The following THRB variants were observed in gnomAD, a reference collection of about 807,000 sequenced individuals.
THRB encodes nuclear receptor subfamily 1 group A member 2.
Under a neutral mutation model 47.8 loss-of-function variants are expected in THRB, and 12 were observed. The ratio of observed to expected loss-of-function variants is 0.25; its 90% CI spans 0.16 to 0.41. The LOEUF is 0.41. Among genes scored for constraint, THRB ranks in the 10% least tolerant of loss-of-function variants. The pLI, the probability that THRB is intolerant of heterozygous loss-of-function variation, is 1.00. For missense variants in THRB, 348 were observed against 589.2 expected (o/e 0.59, Z 4.24); for synonymous variants, 218 against 212.2 (o/e 1.03, Z -0.24).
At chr3:24,324,416 A>C (rs1271613956) in intron 2 of THRB, among the ~76,000 whole-genome samples, 1 of 152,136 alleles carries the variant, frequency 6.6e-6, no homozygotes, top group Non-Finnish European at 1.5e-5. Flanking sequence ...TTTTACTTCC[A>C]AGCACACTGA....
At chr3:24,186,010 C>A (rs2042525566) in intron 5 of THRB, among the ~76,000 whole-genome samples, 2 of 152,174 alleles carry the variant, frequency 1.3e-5, no homozygotes, top group South Asian at 4.1e-4. Context: ...AAGACAGGCC[C>A]AACCAAGAAT....
At chr3:24,431,710 C>T (rs1455890364) in intron 1 of THRB, among the ~76,000 whole-genome samples, 1 of 152,108 alleles carries the variant, frequency 6.6e-6, no homozygotes, top group Non-Finnish European at 1.5e-5. Context: ...TAGCAAATCA[C>T]TGGCAGTAAA....
chr3:24,230,687 C>A (rs898712077), intron 3 of THRB, among the ~76,000 whole-genome samples: 1 of 152,108 alleles, frequency 6.6e-6, no homozygotes, highest in Non-Finnish European at 1.5e-5. Flanking sequence ...CCCTCTGAAC[C>A]CATGGAAGCT....
rs181484484 is a variant in THRB at position 24,218,141 on chromosome 3, A to C, written c.22+10797T>G. Among the ~76,000 whole-genome samples, 981 of 151,992 alleles carry C rather than the reference A, an allele frequency of 6.5e-3. 5 individuals carry two copies. The highest frequency in any genetic ancestry group is 8.1e-3 in the Non-Finnish European group (551 of 67,948). Reference sequence around the variant, plus strand: ...AAACTAGCTGGGCATGGTGGCAGGCACCTGTAATCCCAGCTACTCGGGAGG... The same window carrying C: ...AAACTAGCTGGGCATGGTGGCAGGCCCCTGTAATCCCAGCTACTCGGGAGG... On this transcript the variant is annotated intron_variant, in intron 4 of 10. Coordinates refer to ENST00000646209, the MANE Select transcript of THRB (RefSeq NM_001354712.2).
At chr3:24,244,567 T>C (rs965260678) in intron 3 of THRB, among the ~76,000 whole-genome samples, 1 of 152,216 alleles carries the variant, frequency 6.6e-6, no homozygotes, top group Non-Finnish European at 1.5e-5. Context: ...CAGTCTTTTC[T>C]AGGCCTCCAG....
chr3:24,213,732 G>A (rs765145261), intron 4 of THRB, among the ~76,000 whole-genome samples: 2 of 152,200 alleles, frequency 1.3e-5, no homozygotes, highest in Non-Finnish European at 2.9e-5. Context: ...TGGAAAGTGC[G>A]ACTAGAAGAC....
At chr3:24,491,250 ACAGTC>A (rs1487287317) in intron 1 of THRB, among the ~76,000 whole-genome samples, 1 of 152,128 alleles carries the variant, frequency 6.6e-6, no homozygotes, top group Non-Finnish European at 1.5e-5. Flanking sequence ...CCCATTTTTA[ACAGTC>A]TGATTTTGTG....
intron 1 of THRB, among the ~76,000 whole-genome samples, chr3:24,487,258 C>G (rs754025342): frequency 3.3e-5 from 5 of 151,726 alleles, no homozygotes; most frequent in Non-Finnish European, 5.9e-5. Context: ...ACATATGAGC[C>G]TGATTTTTAA....
chr3:24,461,594 A>G (rs2073706102), intron 1 of THRB, among the ~76,000 whole-genome samples: 1 of 152,250 alleles, frequency 6.6e-6, no homozygotes, highest in Non-Finnish European at 1.5e-5. Context: ...GACCAAGTCA[A>G]AGCTTAACAG....
At chr3:24,451,465 GACC>G (rs2072647637) in intron 1 of THRB, among the ~76,000 whole-genome samples, 1 of 152,018 alleles carries the variant, frequency 6.6e-6, no homozygotes, top group Admixed American at 6.6e-5. Flanking sequence ...TTACATTCCT[GACC>G]TCGTGATCCA....
intron 1 of THRB, among the ~76,000 whole-genome samples, chr3:24,364,827 A>G (rs551828085): frequency 6.6e-6 from 1 of 152,322 alleles, no homozygotes; most frequent in Admixed American, 6.5e-5. Flanking sequence ...ACTTCTCCTA[A>G]TGAGGATATT....
At chr3:24,375,845 T>C (rs2065250232) in intron 1 of THRB, among the ~76,000 whole-genome samples, 1 of 152,136 alleles carries the variant, frequency 6.6e-6, no homozygotes. Context: ...CAAGTCTTTT[T>C]CTTTTCCTAC....
At chr3:24,419,832 T>A (rs1421834022) in intron 1 of THRB, among the ~76,000 whole-genome samples, 2 of 151,886 alleles carry the variant, frequency 1.3e-5, no homozygotes, top group Admixed American at 1.3e-4. Context: ...TTTAATAATA[T>A]TTAATGTATT....
At chr3:24,415,175 T>G (rs1211972735) in intron 1 of THRB, among the ~76,000 whole-genome samples, 1 of 151,854 alleles carries the variant, frequency 6.6e-6, no homozygotes, top group Non-Finnish European at 1.5e-5. Context: ...TCCCTTCCAG[T>G]AATGCAACTT....
intron 2 of THRB, among the ~76,000 whole-genome samples, chr3:24,331,961 G>A (rs928205854): frequency 6.6e-6 from 1 of 152,080 alleles, no homozygotes; most frequent in Admixed American, 6.5e-5. Context: ...TACTTGAAGG[G>A]CCTCCAGTAG....
chr3:24,145,752 G>A lies in THRB; in HGVS notation c.532+923C>T, dbSNP rs529654883. Among the ~76,000 whole-genome samples, 5 of 152,086 alleles carry A rather than the reference G, an allele frequency of 3.3e-5. No individual in the cohort carries two copies. In the East Asian group the frequency reaches 9.7e-4, roughly 29 times the overall value. On this transcript the variant is annotated intron_variant, in intron 7 of 10. Transcript: ENST00000646209. ...AAGAACTCTATTTCTCACATAAAAT[G>A]TGAGTCATGATTACTTCTTTCATCA...
At chr3:24,159,365 G>A (rs2038400956) in intron 5 of THRB, among the ~76,000 whole-genome samples, 1 of 152,208 alleles carries the variant, frequency 6.6e-6, no homozygotes, top group African/African-American at 2.4e-5. Context: ...TGCTTTCGTA[G>A]TGCTTATGAT....
At chr3:24,243,312 G>C (rs190667095) in intron 3 of THRB, among the ~76,000 whole-genome samples, 2 of 151,934 alleles carry the variant, frequency 1.3e-5, no homozygotes, top group African/African-American at 4.8e-5. Flanking sequence ...GGTAGGATAC[G>C]ATTCCGCTCC....
intron 9 of THRB, 95 bp downstream of exon 9, chr3:24,133,221 C>A (rs977670077): frequency 4.5e-5 from 63 of 1,405,906 alleles, no homozygotes; most frequent in Non-Finnish European, 6.2e-5. Context: ...TAAGTCCCTA[C>A]TAATTAACAT....
Sources: allele counts gnomAD v4.1 joint callset (sites outside exome capture counted in the v4.1 genomes callset), GRCh38; gene constraint gnomAD v4.1.1; transcripts MANE v1.5; gene names NCBI Gene and HGNC (gene_info 2026-07-23, HGNC 2026-07-21).